Variants in ZNF717 observed in about 807,000 individuals in gnomAD.
ZNF717 encodes the protein krueppel-like factor X17.
A neutral mutation model predicts 13.8 loss-of-function variants in ZNF717; 9 were observed. That is an observed-to-expected ratio of 0.65 (90% CI 0.39 to 1.14). The LOEUF is 1.14. ZNF717 is among the 50% of genes most tolerant of loss of function. The pLI is 0.01. For synonymous variants in ZNF717, 327 were observed against 364.1 expected (o/e 0.90, Z 1.16); for missense variants, 1,040 against 1,080.7 (o/e 0.96, Z 0.53).
intron 2 of ZNF717, among the ~76,000 whole-genome samples, chr3:75,774,484 T>TTAG (rs1559681752): frequency 6.6e-6 from 1 of 152,126 alleles, no homozygotes; most frequent in East Asian, 1.9e-4. Flanking sequence ...ACAGGACTAT[T>TTAG]TGACATGTTA....
intron 2 of ZNF717, among the ~76,000 whole-genome samples, chr3:75,760,042 T>G (rs1434281416): frequency 1.3e-5 from 2 of 152,226 alleles, no homozygotes; most frequent in Non-Finnish European, 2.9e-5. Context: ...TTCTTCTTTT[T>G]TTTTGAGACG....
At chr3:75,767,708 C>T (rs974961147) in intron 2 of ZNF717, among the ~76,000 whole-genome samples, 17 of 152,182 alleles carry the variant, frequency 1.1e-4, no homozygotes, top group Non-Finnish European at 1.5e-4. Flanking sequence ...CAGGGATCTG[C>T]CTAAGGAGAC....
intron 2 of ZNF717, among the ~76,000 whole-genome samples, chr3:75,780,160 GC>G (rs1282671493): frequency 2.0e-4 from 25 of 123,596 alleles, no homozygotes; most frequent in African/African-American, 6.6e-4. Context: ...AAACAATGGA[GC>G]TGACGTGCTA....
At chr3:75,711,680 A>C (rs1575716453) in intron 5 of ZNF717, among the ~76,000 whole-genome samples, 2 of 152,120 alleles carry the variant, frequency 1.3e-5, no homozygotes, top group Admixed American at 6.6e-5. Context: ...GAGGATTGGG[A>C]GGTTGAGGAT....
At chr3:75,777,365 G>T (rs11713334) in intron 2 of ZNF717, among the ~76,000 whole-genome samples, 7 of 143,296 alleles carry the variant, frequency 4.9e-5, no homozygotes, top group African/African-American at 1.8e-4. Flanking sequence ...TGGGAGTGAC[G>T]TGCTAAAACC....
chr3:75,773,758 A>C (rs572128216), intron 2 of ZNF717, among the ~76,000 whole-genome samples: 1 of 72,768 alleles, frequency 1.4e-5, no homozygotes, highest in Admixed American at 1.5e-4. Context: ...TATCTTTAAC[A>C]AAAAAAAATG....
intron 6 of ZNF717, among the ~76,000 whole-genome samples, chr3:75,701,833 G>C: frequency 6.6e-6 from 1 of 152,426 alleles, no homozygotes; most frequent in East Asian, 1.9e-4. Context: ...AATTTAAATA[G>C]ACATTTATGA....
chr3:75,702,038 G>T (rs1455663171), intron 6 of ZNF717, among the ~76,000 whole-genome samples: 4 of 152,238 alleles, frequency 2.6e-5, no homozygotes, highest in Non-Finnish European at 1.5e-5. Context: ...GTTGTTGGGA[G>T]CACAGTTAAG....
At chr3:75,785,029 G>A (rs1576019219) in intron 1 of ZNF717, 1 of 152,218 alleles carries the variant, frequency 6.6e-6, no homozygotes, top group African/African-American at 2.4e-5. Context: ...GGAGGACTAG[G>A]CAGGTCACAC....
chr3:75,746,437 C>T (rs78521296), intron 2 of ZNF717, among the ~76,000 whole-genome samples: 9 of 152,094 alleles, frequency 5.9e-5, no homozygotes, highest in African/African-American at 1.2e-4. Context: ...TCTAGTTCTA[C>T]GTCCCTGAGG....
chr3:75,716,849 G>A (rs79938430), intron 4 of ZNF717, among the ~76,000 whole-genome samples: 1 of 147,504 alleles, frequency 6.8e-6, no homozygotes, highest in Non-Finnish European at 1.5e-5. Context: ...CATTCACAGA[G>A]AGGATTCCCT....
At chr3:75,712,106 C>T (rs1186875796) in intron 5 of ZNF717, among the ~76,000 whole-genome samples, 13 of 152,238 alleles carry the variant, frequency 8.5e-5, no homozygotes, top group Non-Finnish European at 1.8e-4. Flanking sequence ...AAAAAAGTTA[C>T]AAGAGTTGAC....
At chr3:75,783,523 T>C (rs929823589) in intron 1 of ZNF717, among the ~76,000 whole-genome samples, 159 bp from the exon 2 acceptor site, 1 of 152,164 alleles carries the variant, frequency 6.6e-6, no homozygotes, top group Non-Finnish European at 1.5e-5. Flanking sequence ...CAAGCCTCAT[T>C]AGGGGCAGCA....
chr3:75,761,341 A>G (rs1311512851), intron 2 of ZNF717, among the ~76,000 whole-genome samples: 4 of 152,276 alleles, frequency 2.6e-5, no homozygotes, highest in African/African-American at 4.8e-5. Flanking sequence ...CTTTCATAAT[A>G]AAAACACTCA....
chr3:75,744,991 T>C (rs1451140282), intron 2 of ZNF717, among the ~76,000 whole-genome samples: 1 of 152,132 alleles, frequency 6.6e-6, no homozygotes, highest in Non-Finnish European at 1.5e-5. Context: ...GACCCAATCA[T>C]AGCATTCCAG....
At chr3:75,770,196 C>T (rs1943780959) in intron 2 of ZNF717, among the ~76,000 whole-genome samples, 1 of 152,198 alleles carries the variant, frequency 6.6e-6, no homozygotes, top group African/African-American at 2.4e-5. Context: ...GTAAATGTAA[C>T]AAAGCTTCTG....
At chr3:75,761,469 A>C (rs1279756411) in intron 2 of ZNF717, among the ~76,000 whole-genome samples, 2 of 152,270 alleles carry the variant, frequency 1.3e-5, no homozygotes, top group African/African-American at 4.8e-5. Context: ...ATCAGGAACA[A>C]GATAGCAACA....
At chr3:75,714,748 A>G (rs1479785677) in intron 5 of ZNF717, among the ~76,000 whole-genome samples, 1 of 152,158 alleles carries the variant, frequency 6.6e-6, no homozygotes, top group African/African-American at 2.4e-5. Context: ...CTAATTTTAG[A>G]ACAGTTTATT....
At chr3:75,748,367 C>A (rs1372381658) in intron 2 of ZNF717, among the ~76,000 whole-genome samples, 1 of 152,248 alleles carries the variant, frequency 6.6e-6, no homozygotes, top group Non-Finnish European at 1.5e-5. Flanking sequence ...GATACCAAAG[C>A]CTGGACGAGA....
Sources: allele counts gnomAD v4.1 joint callset (sites outside exome capture counted in the v4.1 genomes callset), GRCh38; gene constraint gnomAD v4.1.1; transcripts MANE v1.5; gene names NCBI Gene and HGNC (gene_info 2026-07-23, HGNC 2026-07-21).